Variants in FRMD4B observed in about 807,000 individuals in gnomAD.
The protein encoded by FRMD4B is FERM domain-containing protein 4B.
In FRMD4B, 74 loss-of-function variants were observed where a neutral mutation model predicts 141.5. The observed-to-expected ratio is 0.52, with a 90% CI of 0.43 to 0.63. The LOEUF (loss-of-function observed/expected upper bound fraction) is 0.63. Among genes scored for constraint, FRMD4B ranks in the 30% least tolerant of loss-of-function variants. The pLI is 0.00. For missense variants in FRMD4B, 1,366 were observed against 1,253.4 expected (o/e 1.09, Z -1.36); for synonymous variants, 506 against 467.9 (o/e 1.08, Z -1.05).
At chr3:69,524,143 T>A (rs1700897841) in intron 1 of FRMD4B, among the ~76,000 whole-genome samples, 1 of 152,232 alleles carries the variant, frequency 6.6e-6, no homozygotes, top group Non-Finnish European at 1.5e-5. Flanking sequence ...AAGTTTCTAA[T>A]CCTGCCTGAC....
intron 2 of FRMD4B, among the ~76,000 whole-genome samples, chr3:69,400,037 G>T (rs930177363): frequency 6.6e-6 from 1 of 152,148 alleles, no homozygotes; most frequent in Non-Finnish European, 1.5e-5. Context: ...TAATTGAGCA[G>T]ATGGAAATGT....
chr3:69,176,451 T>G, intron 22 of FRMD4B, 73 bp downstream of exon 22: 1 of 1,297,434 alleles, frequency 7.7e-7, no homozygotes, highest in South Asian at 1.2e-5. Flanking sequence ...TTATCTGACG[T>G]TTGTAAATTA....
At chr3:69,354,232 A>ATGAAATCATTACTATTGAAGTCAT (rs1575759635) in intron 1 of FRMD4B, among the ~76,000 whole-genome samples, 1 of 152,222 alleles carries the variant, frequency 6.6e-6, no homozygotes, top group East Asian at 1.9e-4. Context: ...TTTGCATTTA[A>ATGAAATCATTACTATTGAAGTCAT]TGAAATCATT....
intron 1 of FRMD4B, among the ~76,000 whole-genome samples, chr3:69,521,236 G>T (rs1239313459): frequency 6.6e-6 from 1 of 152,160 alleles, no homozygotes; most frequent in African/African-American, 2.4e-5. Flanking sequence ...ACTGAGGAAG[G>T]TACTTTGACT....
At chr3:69,369,419 A>G (rs1006155769) in intron 1 of FRMD4B, among the ~76,000 whole-genome samples, 5 of 152,194 alleles carry the variant, frequency 3.3e-5, no homozygotes, top group African/African-American at 7.2e-5. Context: ...CACAATGCAC[A>G]GATAAAAGTG....
intron 1 of FRMD4B, among the ~76,000 whole-genome samples, chr3:69,441,699 G>A (rs572373130): frequency 2.6e-5 from 4 of 152,314 alleles, no homozygotes; most frequent in African/African-American, 4.8e-5. Context: ...AATATGAGCT[G>A]AATGGATAAC....
In FRMD4B at chr3:69,496,637, A is replaced by AAGAGAGAGAGAG. The variant is rs1169584495; in HGVS notation, c.-129+45557_-129+45568dup. On this transcript the variant is annotated intron_variant, in intron 1 of 5. Coordinates refer to the FRMD4B transcript ENST00000459638. ...TGAGAGAGAGAGAGAGAGAGAGAGAAAGAGAGAGAGAGAGAGAGAGAGAGA... is the reference window on the plus strand; with the variant it reads ...TGAGAGAGAGAGAGAGAGAGAGAGAAAGAGAGAGAGAGAGAGAGAGAGAGAGAGAGAGAGAGA... Among the ~76,000 whole-genome samples, 78 of 56,512 alleles carry AAGAGAGAGAGAG rather than the reference A, an allele frequency of 1.4e-3. 1 individual carries two copies. Among genetic ancestry groups the AAGAGAGAGAGAG allele is most frequent in the African/African-American group, 2.3e-3 (28 of 12,368 alleles). The allele number at this position is 56,512 out of a possible 152,430, so 37.1% of individuals were successfully genotyped here.
Position 69,181,015 on chromosome 3 carries a change from T to G in FRMD4B, c.2735A>C (p.Gln912Pro). ...AAAGCTGGTCTGCGGGCTGTGTCCC[T>G]GATCCTTCTGCCCAGAGGCCCGCTG... is the stretch of plus-strand genomic sequence containing the variant. ...WYQRASGQKD[Q>P]GHSPQTSFDS... The change falls in exon 21 of 23, where the codon CAG becomes CCG. Residue 912 changes from glutamine (Q) to proline (P), a missense_variant. Transcript: ENST00000398540. 1 of 1,614,010 alleles carries G rather than the reference T, an allele frequency of 6.2e-7. No individual in the cohort carries two copies. Among genetic ancestry groups the G allele is most frequent in the Non-Finnish European group, 8.5e-7 (1 of 1,179,862 alleles).
At chr3:69,290,899 C>T (rs1700851806) in intron 4 of FRMD4B, among the ~76,000 whole-genome samples, 1 of 152,198 alleles carries the variant, frequency 6.6e-6, no homozygotes, top group African/African-American at 2.4e-5. Context: ...GCTCCCAGTT[C>T]ACTCAACTAG....
At chr3:69,285,390 A>G (rs1201463474) in intron 5 of FRMD4B, among the ~76,000 whole-genome samples, 1 of 133,836 alleles carries the variant, frequency 7.5e-6, no homozygotes, top group Non-Finnish European at 1.6e-5. Flanking sequence ...TGAGGCATAC[A>G]TGAGGCCAAA....
At chr3:69,193,554 G>A (rs2092864015) in intron 17 of FRMD4B, 94 bp downstream of exon 17, 2 of 677,450 alleles carry the variant, frequency 3.0e-6, no homozygotes, top group Admixed American at 3.0e-5. Context: ...TTCTTCCTTT[G>A]ATCTCTCATC....
intron 7 of FRMD4B, among the ~76,000 whole-genome samples, chr3:69,236,271 C>T (rs2093345344): frequency 6.6e-6 from 1 of 151,306 alleles, no homozygotes; most frequent in Admixed American, 6.6e-5. Flanking sequence ...CTCTGTTGCC[C>T]AGGCTGGAGT....
At chr3:69,313,946 T>C (rs1378440514) in intron 1 of FRMD4B, among the ~76,000 whole-genome samples, 1 of 148,934 alleles carries the variant, frequency 6.7e-6, no homozygotes, top group Admixed American at 6.7e-5. Flanking sequence ...GAGACCATCC[T>C]GGCTAACACG....
intron 1 of FRMD4B, among the ~76,000 whole-genome samples, chr3:69,367,413 C>T (rs1000008707): frequency 6.6e-6 from 1 of 152,148 alleles, no homozygotes; most frequent in African/African-American, 2.4e-5. Flanking sequence ...CACATACATA[C>T]ACACATTGCT....
chr3:69,399,687 T>C (rs62251415), intron 2 of FRMD4B, among the ~76,000 whole-genome samples: 6,054 of 152,314 alleles, frequency 0.04, 187 homozygotes, highest in Non-Finnish European at 0.059. Flanking sequence ...CATCCTGAGA[T>C]TGAATCCAGT....
In FRMD4B at chr3:69,233,215, A is replaced by T. The variant is rs574319328; in HGVS notation, c.582-8525T>A. On this transcript the variant is annotated intron_variant, in intron 7 of 22. Transcript: ENST00000398540. ...AGAAAGTTAACTTGGGGCTGGTTGCAGTGGCTTACACCTGTAATCCCAGCA... is the reference window on the plus strand; with the variant it reads ...AGAAAGTTAACTTGGGGCTGGTTGCTGTGGCTTACACCTGTAATCCCAGCA... Among the ~76,000 whole-genome samples the T allele has an allele frequency of 2.0e-5, 3 of 152,098 alleles. No individual in the cohort carries two copies. In the South Asian group the frequency reaches 6.2e-4, roughly 32 times the overall value.
intron 7 of FRMD4B, among the ~76,000 whole-genome samples, chr3:69,242,608 G>A (rs975126796): frequency 7.4e-6 from 1 of 135,614 alleles, no homozygotes; most frequent in Admixed American, 8.6e-5. Context: ...GCACTGAATT[G>A]CAAAATGTAG....
chr3:69,480,165 G>A (rs911268126), intron 1 of FRMD4B, among the ~76,000 whole-genome samples: 10 of 152,130 alleles, frequency 6.6e-5, no homozygotes, highest in Non-Finnish European at 1.5e-4. Context: ...TCCTCCTGTA[G>A]CTCGGAGTAG....
chr3:69,536,224 T>C, intron 1 of FRMD4B: 2 of 598,874 alleles, frequency 3.3e-6, no homozygotes, highest in Non-Finnish European at 6.2e-6. Flanking sequence ...CCTCACTTGG[T>C]TTCTTGGCGT....
Sources: allele counts gnomAD v4.1 joint callset (sites outside exome capture counted in the v4.1 genomes callset), GRCh38; gene constraint gnomAD v4.1.1; transcripts MANE v1.5; gene names NCBI Gene and HGNC (gene_info 2026-07-23, HGNC 2026-07-21).